The following TPD52L1 variants were observed in gnomAD, a reference collection of about 807,000 sequenced individuals.
TPD52L1 encodes TPD52 like 1, also known as tumor protein D53.
TPD52L1 carries 18 observed loss-of-function variants against 28.7 expected under a neutral mutation model. That is an observed-to-expected ratio of 0.63 (90% CI 0.43 to 0.93). The LOEUF is 0.93. Among genes scored for constraint, TPD52L1 ranks in the 40% least tolerant of loss-of-function variants. The pLI is 0.00. For synonymous variants in TPD52L1, 75 were observed against 88.8 expected (o/e 0.84, Z 0.88); for missense variants, 203 against 254.8 (o/e 0.80, Z 1.39).
At chr6:125,235,058 C>T (rs1345839168) in intron 3 of TPD52L1, among the ~76,000 whole-genome samples, 1 of 151,496 alleles carries the variant, frequency 6.6e-6, no homozygotes, top group African/African-American at 2.4e-5. Context: ...CACTCCACTG[C>T]ACTCCAGCCT....
At chr6:125,173,061 G>T (rs143899425) in intron 1 of TPD52L1, among the ~76,000 whole-genome samples, 20 of 152,132 alleles carry the variant, frequency 1.3e-4, no homozygotes, top group African/African-American at 4.8e-4. Flanking sequence ...AAGACCAATT[G>T]GTTTATCGAT....
chr6:125,249,904 A>G (rs1306383480), intron 4 of TPD52L1, among the ~76,000 whole-genome samples: 1 of 152,032 alleles, frequency 6.6e-6, no homozygotes, highest in Middle Eastern at 3.2e-3. Context: ...TTTTATCTTC[A>G]TTTTTACTAA....
chr6:125,216,525 G>GTGTGTGTGTA (rs1794888919), intron 1 of TPD52L1, among the ~76,000 whole-genome samples: 1 of 104,872 alleles, frequency 9.5e-6, no homozygotes, highest in African/African-American at 4.7e-5. Context: ...TTCAGTATGT[G>GTGTGTGTGTA]TGTGTATATA....
rs1056960093 is a variant in TPD52L1, at chr6:125,161,396, T to C, written c.19+7426T>C. The stretch of plus-strand genomic sequence containing the variant: ...CATTTGTGTGTTCAGTGGAATAGCA[T>C]GCTACGTTTCTTTCAAGAACTTTTC... On this transcript the variant is annotated intron_variant, in intron 1 of 6. Coordinates refer to ENST00000534000, the MANE Select transcript of TPD52L1 (RefSeq NM_003287.4). 3.3e-5 allele frequency among the ~76,000 whole-genome samples: 5 copies of C among 152,232 alleles called. No homozygotes were observed. In the East Asian group the frequency reaches 5.8e-4, roughly 18 times the overall value.
intron 1 of TPD52L1, among the ~76,000 whole-genome samples, chr6:125,193,752 C>T (rs927394115): frequency 7.9e-5 from 12 of 152,138 alleles, no homozygotes; most frequent in Non-Finnish European, 1.5e-4. Flanking sequence ...ATGTCCTCCT[C>T]TCCCAATTCC....
chr6:125,233,691 A>G (rs756569463), intron 3 of TPD52L1, among the ~76,000 whole-genome samples: 2 of 152,198 alleles, frequency 1.3e-5, no homozygotes, highest in Non-Finnish European at 2.9e-5. Flanking sequence ...TTTAAATCTC[A>G]TAAGAGGAAA....
chr6:125,172,330 C>T (rs192672700), intron 1 of TPD52L1, among the ~76,000 whole-genome samples: 15 of 139,224 alleles, frequency 1.1e-4, no homozygotes, highest in South Asian at 2.3e-4. Flanking sequence ...GAGTCTTTCT[C>T]GTCACCCAGA....
At chr6:125,225,872 G>A (rs150583017) in intron 2 of TPD52L1, among the ~76,000 whole-genome samples, 1 of 152,236 alleles carries the variant, frequency 6.6e-6, no homozygotes, top group African/African-American at 2.4e-5. Context: ...TTAAAAGGCA[G>A]CAGATGCCTG....
chr6:125,199,407 A>C (rs1013393794), intron 1 of TPD52L1, among the ~76,000 whole-genome samples: 22 of 152,244 alleles, frequency 1.4e-4, no homozygotes, highest in Admixed American at 1.3e-3. Context: ...AAAAGAGGCC[A>C]GGCGCAGTGG....
intron 1 of TPD52L1, among the ~76,000 whole-genome samples, chr6:125,194,042 T>C (rs1793241161): frequency 7.7e-6 from 1 of 129,390 alleles, no homozygotes; most frequent in Non-Finnish European, 1.7e-5. Context: ...TTTTTTTTTT[T>C]TCTAAAAAAA....
At chr6:125,252,342 AG>A in intron 4 of TPD52L1, 1 of 329,068 alleles carries the variant, frequency 3.0e-6, no homozygotes, top group Non-Finnish European at 5.4e-6. Flanking sequence ...GAAAAGAAGA[AG>A]AAAAAAAAAC....
intron 1 of TPD52L1, among the ~76,000 whole-genome samples, chr6:125,218,483 T>C (rs896425327): frequency 1.3e-5 from 2 of 152,230 alleles, no homozygotes; most frequent in African/African-American, 4.8e-5. Flanking sequence ...GTAGGAATTC[T>C]GTATATATCG....
chr6:125,192,822 A>G (rs1408837329), intron 1 of TPD52L1, among the ~76,000 whole-genome samples: 1 of 152,112 alleles, frequency 6.6e-6, no homozygotes, highest in East Asian at 1.9e-4. Context: ...TTGCACATAT[A>G]CCTTGTTGAT....
chr6:125,166,007 T>A (rs1033489095), intron 1 of TPD52L1, among the ~76,000 whole-genome samples: 1 of 152,210 alleles, frequency 6.6e-6, no homozygotes, highest in African/African-American at 2.4e-5. Context: ...CTTTAGATGT[T>A]GGCTGAAAGG....
At chr6:125,184,084 C>T (rs1046227270) in intron 1 of TPD52L1, among the ~76,000 whole-genome samples, 4 of 152,106 alleles carry the variant, frequency 2.6e-5, no homozygotes, top group Non-Finnish European at 5.9e-5. Flanking sequence ...GTAAGTGGGC[C>T]TCAGAACCAT....
intron 1 of TPD52L1, among the ~76,000 whole-genome samples, chr6:125,189,740 T>C (rs1245994909): frequency 1.3e-5 from 2 of 152,204 alleles, no homozygotes; most frequent in Admixed American, 1.3e-4. Flanking sequence ...CTCATTGTTA[T>C]TTCCTTTTCA....
intron 4 of TPD52L1, among the ~76,000 whole-genome samples, chr6:125,251,824 A>C (rs1002550248): frequency 2.2e-4 from 33 of 152,246 alleles, no homozygotes; most frequent in African/African-American, 8.0e-4. Context: ...TATAGGAATA[A>C]CAGAAGCAAA....
intron 2 of TPD52L1, 145 bp downstream of exon 2, chr6:125,220,338 T>A: frequency 1.7e-6 from 1 of 602,006 alleles, no homozygotes; most frequent in Non-Finnish European, 2.9e-6. Context: ...CATTACAAGA[T>A]GATTCATTTT....
chr6:125,215,896 T>C (rs488652), intron 1 of TPD52L1, among the ~76,000 whole-genome samples: 52,816 of 152,088 alleles, frequency 0.35, 13,891 homozygotes, highest in African/African-American at 0.74. Flanking sequence ...TCTTCTCACG[T>C]TATGAAGATA....
Sources: gnomAD v4.1 joint callset for allele counts (sites outside exome capture counted in the v4.1 genomes callset) on GRCh38, gnomAD v4.1.1 for gene constraint, MANE v1.5 for transcripts, NCBI Gene and HGNC (gene_info 2026-07-23, HGNC 2026-07-21) for gene names.